LRP2: variants seen among roughly 807,000 people sequenced by gnomAD.
The protein encoded by LRP2 is LDL receptor related protein 2.
A neutral mutation model predicts 531.0 loss-of-function variants in LRP2; 172 were observed. That is an observed-to-expected ratio of 0.32 (90% CI 0.29 to 0.37). LRP2 has a LOEUF of 0.37. Among genes scored for constraint, LRP2 ranks in the 10% least tolerant of loss-of-function variants. The probability of loss-of-function intolerance (pLI) is 1.00; values close to 1 mark genes in which losing one functional copy is unlikely to be tolerated. For missense variants in LRP2, 5,167 were observed against 5,868.3 expected, an observed-to-expected ratio of 0.88 and a Z score of 3.90; for synonymous variants, 1,992 against 2,027.6, an observed-to-expected ratio of 0.98 and a Z score of 0.47.
chr2:169,341,740 G>A (rs916942402), intron 1 of LRP2, among the ~76,000 whole-genome samples: 1 of 152,156 alleles, frequency 6.6e-6, no homozygotes, highest in African/African-American at 2.4e-5. Context: ...CTCTGCCTCA[G>A]TTCACTCATT....
At chr2:169,224,772 T>G (rs1689139798) in intron 33 of LRP2, among the ~76,000 whole-genome samples, 1 of 152,176 alleles carries the variant, frequency 6.6e-6, no homozygotes, top group Non-Finnish European at 1.5e-5. Context: ...GGAAACAAAA[T>G]AGAGCAATAG....
intron 29 of LRP2, among the ~76,000 whole-genome samples, 196 bp from the exon 30 acceptor site, chr2:169,233,784 C>T (rs1253261246): frequency 6.6e-6 from 1 of 152,202 alleles, no homozygotes; most frequent in African/African-American, 2.4e-5. Flanking sequence ...CATTCAAGAG[C>T]CTTTCACATA....
At chr2:169,135,039 C>A (rs1023584621) in intron 76 of LRP2, among the ~76,000 whole-genome samples, 1 of 152,184 alleles carries the variant, frequency 6.6e-6, no homozygotes, top group African/African-American at 2.4e-5. Flanking sequence ...CCACACAAGG[C>A]AAATGGTTCT....
chr2:169,172,860 A>G (rs1370700928), intron 57 of LRP2, among the ~76,000 whole-genome samples: 1 of 152,218 alleles, frequency 6.6e-6, no homozygotes, highest in Admixed American at 6.5e-5. Flanking sequence ...CTAACATCTT[A>G]ATAACGTCTT....
rs1200426857 is a variant in LRP2 at position 169,137,559 on chromosome 2, C to T, written c.13519-66G>A. ...AAACAGAGAGAGAGATTACACCATA[C>T]TAATCTGGTTCACACACAAAGAAAG... On this transcript the variant is annotated intron_variant, in intron 75 of 78. Transcript: ENST00000649046. The T allele has an allele frequency of 5.5e-6, 5 of 913,630 alleles. No individual in the cohort carries two copies. The Admixed American group carries it at 5.5e-5, about 10-fold the overall frequency. 56.6% of individuals were successfully genotyped at this position (913,630 alleles called of 1,614,324 possible). A position where few individuals can be genotyped will look rare whatever the true frequency, so the allele number is the denominator to read the frequency against.
chr2:169,169,855 T>A (rs1335792605), intron 59 of LRP2, 37 bp from the exon 60 acceptor site: 1 of 1,394,550 alleles, frequency 7.2e-7, no homozygotes, highest in Admixed American at 1.7e-5. Context: ...GAAGGCCTTG[T>A]CATTTTCAGA....
At chr2:169,359,125 A>T (rs975315543) in intron 1 of LRP2, among the ~76,000 whole-genome samples, 1 of 152,116 alleles carries the variant, frequency 6.6e-6, no homozygotes, top group Non-Finnish European at 1.5e-5. Flanking sequence ...TTCACTGTCT[A>T]TATGCTTTAC....
intron 34 of LRP2, among the ~76,000 whole-genome samples, chr2:169,218,820 A>G (rs1343591169): frequency 6.6e-6 from 1 of 152,156 alleles, no homozygotes; most frequent in Non-Finnish European, 1.5e-5. Flanking sequence ...GATACTCAGA[A>G]TGACCTAGGA....
chr2:169,230,059 C>G (rs1689346125), intron 31 of LRP2, among the ~76,000 whole-genome samples: 1 of 152,170 alleles, frequency 6.6e-6, no homozygotes, highest in Non-Finnish European at 1.5e-5. Flanking sequence ...TCGGTAAAGT[C>G]AACCCATGAG....
At chr2:169,175,725 G>T (rs534210604) in intron 54 of LRP2, among the ~76,000 whole-genome samples, 1 of 152,318 alleles carries the variant, frequency 6.6e-6, no homozygotes, top group African/African-American at 2.4e-5. Flanking sequence ...TTGTCTGCCA[G>T]GGTGATATAA....
At chr2:169,313,846 T>C (rs548993323) in intron 3 of LRP2, among the ~76,000 whole-genome samples, 1 of 152,318 alleles carries the variant, frequency 6.6e-6, no homozygotes, top group East Asian at 1.9e-4. Flanking sequence ...CCCAAAGCGC[T>C]AGGATTTGAA....
In LRP2 at chr2:169,362,372, A is replaced by G; in HGVS notation, c.28T>C (p.Cys10Arg). MDRGPAAVA[C>R]TLLLALVACL... ...GCGACGAGAGCCAGGAGCAGCGTGC[A>G]CGCCACTGCTGCCGGCCCGCGATCC... The change falls in exon 1 of 79, where the codon TGC becomes CGC. Residue 10 changes from cysteine (C) to arginine (R), a missense_variant. By Grantham distance (180) the Cys-to-Arg change is radical (BLOSUM62 -3). Around this residue, in one of 6 missense-constraint regions of LRP2, gnomAD observed 2,811 missense variants for 3,058.0 expected, o/e 0.92. Coordinates refer to ENST00000649046, the MANE Select transcript of LRP2 (RefSeq NM_004525.3). The G allele has an allele frequency of 6.4e-7, 1 of 1,569,928 alleles. No homozygotes were observed. Among genetic ancestry groups the G allele is most frequent in the Non-Finnish European group, 8.6e-7 (1 of 1,159,578 alleles).
chr2:169,228,880 T>A (rs550732877), intron 31 of LRP2, among the ~76,000 whole-genome samples: 4 of 152,236 alleles, frequency 2.6e-5, no homozygotes, highest in African/African-American at 9.6e-5. Flanking sequence ...AAGTGCTATA[T>A]GGGAAAGCAA....
intron 1 of LRP2, among the ~76,000 whole-genome samples, chr2:169,326,478 G>T (rs1416418239): frequency 6.6e-6 from 1 of 151,286 alleles, no homozygotes; most frequent in East Asian, 2.0e-4. Flanking sequence ...TTGGCCTCCC[G>T]AGGTGCCGGG....
Position 169,203,027 on chromosome 2 carries a change from A to G in LRP2, c.8006-68T>C, listed in dbSNP as rs6709670. The G allele has an allele frequency of 0.023, 30,198 of 1,298,126 alleles. 443 individuals carry two copies. The highest frequency in any genetic ancestry group is 0.067 in the Middle Eastern group (270 of 4,018). 80.4% of individuals were successfully genotyped at this position (1,298,126 alleles called of 1,614,324 possible). A position where few individuals can be genotyped will look rare whatever the true frequency, so the allele number is the denominator to read the frequency against. The stretch of plus-strand genomic sequence containing the variant: ...CCACCGTTCACATTGACCCCTCCAC[A>G]ATAGCACTTGCAACAGCTTCTACAT... On this transcript the variant is annotated intron_variant, in intron 42 of 78. Coordinates refer to ENST00000649046, the MANE Select transcript of LRP2 (RefSeq NM_004525.3).
At chr2:169,246,398 A>C (rs1690005653) in intron 21 of LRP2, among the ~76,000 whole-genome samples, 1 of 152,064 alleles carries the variant, frequency 6.6e-6, no homozygotes, top group Non-Finnish European at 1.5e-5. Context: ...GCCTGGTCAG[A>C]TCTAGTTTAT....
chr2:169,305,857 T>C (rs115567644), intron 4 of LRP2, among the ~76,000 whole-genome samples: 2,447 of 152,266 alleles, frequency 0.016, 79 homozygotes, highest in African/African-American at 0.056. Flanking sequence ...ATACTTAACA[T>C]TGTGTTCCAA....
intron 9 of LRP2, among the ~76,000 whole-genome samples, chr2:169,288,606 T>A (rs537713766): frequency 2.6e-5 from 4 of 152,238 alleles, no homozygotes; most frequent in South Asian, 4.1e-4. Context: ...TGCTTGTGCA[T>A]CCTGGAGAAG....
intron 1 of LRP2, among the ~76,000 whole-genome samples, chr2:169,341,100 T>C (rs1685549848): frequency 6.6e-6 from 1 of 152,130 alleles, no homozygotes. Context: ...ATTCAGTGGA[T>C]ATCAAGAAAG....
Sources: gnomAD v4.1 joint callset for allele counts (sites outside exome capture counted in the v4.1 genomes callset) on GRCh38, gnomAD v4.1.1 for gene constraint, gnomAD v4.1.1 regional missense constraint, MANE v1.5 for transcripts, NCBI Gene and HGNC (gene_info 2026-07-23, HGNC 2026-07-21) for gene names.